The following TMEM184C variants were observed in gnomAD, a reference collection of about 807,000 sequenced individuals.
TMEM184C encodes transmembrane protein 34.
In TMEM184C, 25 loss-of-function variants were observed where a neutral mutation model predicts 54.5. The ratio of observed to expected loss-of-function variants is 0.46; its 90% CI spans 0.33 to 0.64. TMEM184C has a LOEUF of 0.64. TMEM184C is among the 30% of genes least tolerant of loss of function. The pLI is 0.02. For missense variants in TMEM184C, 335 were observed against 520.3 expected, an observed-to-expected ratio of 0.64 and a Z score of 3.46; for synonymous variants, 148 against 181.5, an observed-to-expected ratio of 0.82 and a Z score of 1.49.
intron 4 of TMEM184C, among the ~76,000 whole-genome samples, chr4:147,625,233 A>G (rs1457918075): frequency 6.6e-6 from 1 of 152,202 alleles, no homozygotes; most frequent in Non-Finnish European, 1.5e-5. Context: ...CCAAATCCAA[A>G]AATTAAAGTA....
intron 1 of TMEM184C, among the ~76,000 whole-genome samples, chr4:147,622,970 G>C (rs530199382): frequency 1.3e-5 from 2 of 152,016 alleles, no homozygotes; most frequent in Non-Finnish European, 2.9e-5. Context: ...TGTTGCTCAG[G>C]CTGGGCTGGA....
intron 7 of TMEM184C, 147 bp from the exon 8 acceptor site, chr4:147,632,756 A>T: frequency 3.6e-6 from 2 of 556,524 alleles, no homozygotes; most frequent in Non-Finnish European, 6.3e-6. Flanking sequence ...TATATTTAAC[A>T]TAGAGTTTCT....
intron 5 of TMEM184C, among the ~76,000 whole-genome samples, 193 bp downstream of exon 5, chr4:147,628,628 A>G (rs894020309): frequency 3.3e-5 from 5 of 152,178 alleles, no homozygotes; most frequent in African/African-American, 1.2e-4. Context: ...GAGTCACCAC[A>G]GGGGTCTCCT....
At chr4:147,618,593 AT>A (rs1732644331) in intron 1 of TMEM184C, among the ~76,000 whole-genome samples, 2 of 152,226 alleles carry the variant, frequency 1.3e-5, no homozygotes, top group Admixed American at 1.3e-4. Flanking sequence ...TTATTGTGAC[AT>A]CAGTAATGTA....
chr4:147,629,758 C>T, intron 6 of TMEM184C, 66 bp downstream of exon 6: 2 of 1,120,782 alleles, frequency 1.8e-6, no homozygotes, highest in South Asian at 3.7e-5. Context: ...TTTCTTTAGA[C>T]AAAGTTTCTT....
chr4:147,632,916 A>G lies in TMEM184C; in HGVS notation c.793A>G (p.Ile265Val). ...VFVSFWQAVVIALLVKVGVIS... is the reference protein window; with the variant it reads ...VFVSFWQAVVVALLVKVGVIS... ...CCTAACATATAGGCAAGCAGTAGTT[A>G]TTGCTTTGTTGGTAAAAGTTGGCGT... Residue 265 changes from isoleucine (I) to valine (V), a missense_variant, in exon 8 of 10, where the codon ATT (isoleucine) becomes GTT (valine). Coordinates refer to ENST00000296582, the MANE Select transcript of TMEM184C (RefSeq NM_018241.3). The G allele has an allele frequency of 1.9e-6, 3 of 1,613,984 alleles. No homozygotes were observed. Among genetic ancestry groups the G allele is most frequent in the Non-Finnish European group, 2.5e-6 (3 of 1,179,908 alleles).
intron 3 of TMEM184C, among the ~76,000 whole-genome samples, chr4:147,624,335 A>G (rs1732770809): frequency 6.7e-6 from 1 of 150,082 alleles, no homozygotes; most frequent in Non-Finnish European, 1.5e-5. Flanking sequence ...CAGATTGTTA[A>G]AGAATGTAAT....
intron 1 of TMEM184C, among the ~76,000 whole-genome samples, chr4:147,621,125 C>T (rs1732700809): frequency 6.6e-6 from 1 of 152,268 alleles, no homozygotes; most frequent in South Asian, 2.1e-4. Flanking sequence ...ACCATGTATA[C>T]CTGAAGTGAA....
intron 6 of TMEM184C, among the ~76,000 whole-genome samples, chr4:147,630,744 A>G (rs990991131): frequency 2.5e-4 from 38 of 151,958 alleles, no homozygotes; most frequent in African/African-American, 8.9e-4. Context: ...TTCTTTCTTT[A>G]CTGGTTTCAT....
At chr4:147,629,523 T>C in intron 5 of TMEM184C, 76 bp from the exon 6 acceptor site, 1 of 1,081,848 alleles carries the variant, frequency 9.2e-7, no homozygotes, top group Non-Finnish European at 1.3e-6. Context: ...GACTTCTAAA[T>C]TTAAGTATTG....
chr4:147,630,575 G>T (rs1228790210), intron 6 of TMEM184C, among the ~76,000 whole-genome samples: 1 of 151,996 alleles, frequency 6.6e-6, no homozygotes, highest in Non-Finnish European at 1.5e-5. Context: ...AAAATATTAG[G>T]CAGTTACTAA....
At chr4:147,620,657 C>T (rs901546433) in intron 1 of TMEM184C, among the ~76,000 whole-genome samples, 9 of 152,096 alleles carry the variant, frequency 5.9e-5, no homozygotes, top group South Asian at 2.1e-4. Context: ...GCAAACAAGA[C>T]GTAGCAGGAA....
chr4:147,621,441 AAAGATT>A (rs1328862354), intron 1 of TMEM184C, among the ~76,000 whole-genome samples: 1 of 152,216 alleles, frequency 6.6e-6, no homozygotes, highest in Non-Finnish European at 1.5e-5. Context: ...CATGGCTGAT[AAAGATT>A]AAGAATAATA....
At chr4:147,628,085 G>T (rs1022020348) in intron 4 of TMEM184C, among the ~76,000 whole-genome samples, 5 of 152,254 alleles carry the variant, frequency 3.3e-5, no homozygotes, top group African/African-American at 1.2e-4. Flanking sequence ...CTTGAGCACA[G>T]AAGGTCAAGG....
chr4:147,625,465 TATGTC>T (rs1352451592), intron 4 of TMEM184C, among the ~76,000 whole-genome samples: 5 of 152,234 alleles, frequency 3.3e-5, no homozygotes, highest in Admixed American at 2.6e-4. Context: ...CATTAAAACT[TATGTC>T]ATTTCATTTT....
At position 147,631,461 on chromosome 4, in the gene TMEM184C, T is replaced by G. The variant is rs1732915564; in HGVS notation, c.735T>G (p.Val245=). ...LKEELSPIQP[V]GKFLCVKLVV... ...AAGAACTGAGCCCAATCCAACCTGT[T>G]GGCAAATTTCTTTGTGTAAAGCTGG... The change falls in exon 7 of 10, where the codon GTT becomes GTG. Residue 245 remains valine (V), a synonymous_variant. Coordinates refer to ENST00000296582, the MANE Select transcript of TMEM184C (RefSeq NM_018241.3). 6.2e-7 allele frequency: 1 copy of G among 1,608,264 alleles called. No homozygotes were observed. The highest frequency in any genetic ancestry group is 1.7e-5 in the Admixed American group (1 of 58,408).
intron 9 of TMEM184C, 26 bp from the exon 10 acceptor site, chr4:147,634,143 G>A (rs760155316): frequency 2.5e-6 from 4 of 1,594,364 alleles, no homozygotes; most frequent in Non-Finnish European, 3.4e-6. Context: ...AATAACTTTT[G>A]ACTAACAGAA....
intron 1 of TMEM184C, 78 bp from the exon 2 acceptor site, chr4:147,623,756 G>A (rs555543478): frequency 1.4e-6 from 2 of 1,425,238 alleles, no homozygotes; most frequent in South Asian, 1.2e-5. Flanking sequence ...AGGATTATAG[G>A]CACAAGGCAC....
rs184273962 is a variant in TMEM184C, at chr4:147,622,794, C to T, written c.124-1040C>T. ...TTTTTGTTTTTGAGACAGGGTCTCACTCTGTTGCCCAGGGTGGAGTACGGT... is the reference window on the plus strand; with the variant it reads ...TTTTTGTTTTTGAGACAGGGTCTCATTCTGTTGCCCAGGGTGGAGTACGGT... On this transcript the variant is annotated intron_variant, in intron 1 of 9. Transcript: ENST00000296582. Among the ~76,000 whole-genome samples, 82 of 152,332 alleles carry T rather than the reference C, an allele frequency of 5.4e-4. 1 individual carries two copies. Among genetic ancestry groups the T allele is most frequent in the Admixed American group, 4.1e-3 (63 of 15,292 alleles).
Sources: gnomAD v4.1 joint callset for allele counts (sites outside exome capture counted in the v4.1 genomes callset) on GRCh38, gnomAD v4.1.1 for gene constraint, MANE v1.5 for transcripts, NCBI Gene and HGNC (gene_info 2026-07-23, HGNC 2026-07-21) for gene names.